The following POLA1 variants were observed in gnomAD, a reference collection of about 807,000 sequenced individuals.
POLA1 encodes the protein DNA polymerase alpha catalytic subunit.
POLA1 carries 15 observed loss-of-function variants against 124.0 expected under a neutral mutation model. The observed-to-expected ratio is 0.12, with a 90% confidence interval of 0.08 to 0.19. The LOEUF (loss-of-function observed/expected upper bound fraction) is 0.19, where lower values mean the gene tolerates loss of function less well. Ranked by LOEUF, POLA1 falls within the 10% of genes least tolerant of loss-of-function variation. The pLI is 1.00. For missense variants in POLA1, 886 were observed against 1,103.4 expected (o/e 0.80, Z 2.79); for synonymous variants, 408 against 389.4 (o/e 1.05, Z -0.56).
intron 26 of POLA1, among the ~76,000 whole-genome samples, chrX:24,750,546 G>A (rs1267703441): frequency 8.9e-6 from 1 of 112,590 alleles, no homozygotes; most frequent in African/African-American, 3.2e-5. Flanking sequence ...GTTGGCAGCC[G>A]TATCTCAAAG....
intron 26 of POLA1, among the ~76,000 whole-genome samples, chrX:24,804,598 T>C (rs1408276357): frequency 8.9e-6 from 1 of 112,238 alleles, no homozygotes; most frequent in Non-Finnish European, 1.9e-5. Context: ...TGTAGGATTT[T>C]CTTTGTGTTT....
At chrX:24,851,187 T>C (rs956431138) in intron 34 of POLA1, among the ~76,000 whole-genome samples, 2 of 112,497 alleles carry the variant, frequency 1.8e-5, no homozygotes, top group Admixed American at 9.4e-5. Flanking sequence ...TGCAGAATAC[T>C]ACAGCACAGA....
At chrX:24,932,142 G>T (rs1006682135) in intron 36 of POLA1, among the ~76,000 whole-genome samples, 3 of 112,063 alleles carry the variant, frequency 2.7e-5, no homozygotes, top group African/African-American at 9.7e-5. Context: ...CAGGTGATCT[G>T]CCTGCCTCAG....
chrX:24,898,595 CTG>C (rs1308274415), intron 35 of POLA1, among the ~76,000 whole-genome samples: 1 of 112,379 alleles, frequency 8.9e-6, no homozygotes, highest in Non-Finnish European at 1.9e-5. Flanking sequence ...TTGTTTCCAA[CTG>C]TGTTTGCCTT....
intron 36 of POLA1, among the ~76,000 whole-genome samples, chrX:24,950,325 A>G (rs1334378324): frequency 8.9e-6 from 1 of 111,894 alleles, no homozygotes; most frequent in Non-Finnish European, 1.9e-5. Flanking sequence ...TAGCTGTTGA[A>G]CACTTGAATG....
intron 32 of POLA1, among the ~76,000 whole-genome samples, chrX:24,831,787 T>C (rs913461736): frequency 8.9e-6 from 1 of 112,712 alleles, no homozygotes; most frequent in South Asian, 3.7e-4. Context: ...CCAAATGCAT[T>C]GCAGAATGTT....
At chrX:24,706,891 CAT>C (rs372158528) in intron 4 of POLA1, among the ~76,000 whole-genome samples, 56 of 112,197 alleles carry the variant, frequency 5.0e-4, no homozygotes, top group African/African-American at 1.3e-3. Flanking sequence ...TATTGTAAAA[CAT>C]ATGATTTAAA....
chrX:24,904,873 G>A (rs996644230), intron 35 of POLA1, among the ~76,000 whole-genome samples: 3 of 110,550 alleles, frequency 2.7e-5, no homozygotes, highest in Non-Finnish European at 5.7e-5. Flanking sequence ...AAAAAGACAA[G>A]CGTTAGCCGG....
chrX:24,917,545 A>T (rs1280203434), intron 35 of POLA1, among the ~76,000 whole-genome samples: 1 of 112,082 alleles, frequency 8.9e-6, no homozygotes, highest in African/African-American at 3.2e-5. Context: ...GGAAAATCAC[A>T]AGACCTCTAC....
chrX:24,854,416 A>G (rs1000263644), intron 34 of POLA1, among the ~76,000 whole-genome samples: 2 of 112,160 alleles, frequency 1.8e-5, no homozygotes, highest in Non-Finnish European at 3.8e-5. Context: ...ACTTTGCACC[A>G]TTAATGCAAA....
At chrX:24,764,570 C>T (rs1187810264) in intron 26 of POLA1, among the ~76,000 whole-genome samples, 1 of 112,002 alleles carries the variant, frequency 8.9e-6, no homozygotes, top group Non-Finnish European at 1.9e-5. Flanking sequence ...CATGAGTTTG[C>T]GAAGTTTGTT....
At chrX:24,841,860 G>C (rs771632615) in intron 33 of POLA1, 30 bp downstream of exon 33, 2 of 1,113,232 alleles carry the variant, frequency 1.8e-6, no homozygotes, top group Admixed American at 2.2e-5. Flanking sequence ...CATTTTGTGA[G>C]TGAACTTGTA....
chrX:24,901,466 G>T (rs1397174734), intron 35 of POLA1, among the ~76,000 whole-genome samples: 1 of 111,561 alleles, frequency 9.0e-6, no homozygotes, highest in Non-Finnish European at 1.9e-5. Flanking sequence ...AAGAGGTAAG[G>T]TGAGAGAATT....
intron 35 of POLA1, among the ~76,000 whole-genome samples, chrX:24,925,740 C>CGTTTGTTTGTTTGTTT (rs550764725): frequency 1.8e-5 from 2 of 111,149 alleles, no homozygotes; most frequent in Admixed American, 1.9e-4. Context: ...AGCATCATTC[C>CGTTTGTTTGTTTGTTT]GTTTGTTTGT....
intron 35 of POLA1, among the ~76,000 whole-genome samples, chrX:24,922,110 G>A (rs888320149): frequency 9.0e-6 from 1 of 110,902 alleles, no homozygotes; most frequent in African/African-American, 3.3e-5. Context: ...ATCTGTTTGT[G>A]TCACCCACAT....
chrX:24,866,465 G>C, intron 34 of POLA1, among the ~76,000 whole-genome samples: 1 of 111,703 alleles, frequency 9.0e-6, no homozygotes, highest in Non-Finnish European at 1.9e-5. Context: ...TCTCACCTCA[G>C]TTCAACAATC....
chrX:24,830,680 A>G (rs1419694878), intron 32 of POLA1, among the ~76,000 whole-genome samples: 3 of 112,002 alleles, frequency 2.7e-5, no homozygotes, highest in South Asian at 3.7e-4. Flanking sequence ...CTCTCATTCT[A>G]TTGAAAGCTC....
chrX:24,810,027 G>T (rs1006102959), intron 27 of POLA1, 97 bp downstream of exon 27: 4 of 521,544 alleles, frequency 7.7e-6, no homozygotes, highest in African/African-American at 7.1e-5. Context: ...ACTGGAAATT[G>T]CTTCTTAGGT....
At chrX:24,787,083 G>A (rs1321723035) in intron 26 of POLA1, among the ~76,000 whole-genome samples, 1 of 111,044 alleles carries the variant, frequency 9.0e-6, no homozygotes, top group Non-Finnish European at 1.9e-5. Flanking sequence ...GTTTGTTTTT[G>A]TGCTATTGAG....
Sources: allele counts gnomAD v4.1 joint callset (sites outside exome capture counted in the v4.1 genomes callset), GRCh38; gene constraint gnomAD v4.1.1; transcripts MANE v1.5; gene names NCBI Gene and HGNC (gene_info 2026-07-23, HGNC 2026-07-21).